The following RLN2 variants were observed in gnomAD, a reference collection of about 807,000 sequenced individuals.
RLN2 encodes the protein relaxin 2.
A neutral mutation model predicts 7.3 loss-of-function variants in RLN2; 10 were observed. The ratio of observed to expected loss-of-function variants is 1.36; its 90% CI spans 0.84 to 2.31. The LOEUF is 2.31. Among genes scored for constraint, RLN2 ranks in the 30% most tolerant of loss-of-function variants. RLN2 has a pLI of 0.00. For missense variants in RLN2, 298 were observed against 217.6 expected, an observed-to-expected ratio of 1.37 and a Z score of -2.32; for synonymous variants, 103 against 82.3, an observed-to-expected ratio of 1.25 and a Z score of -1.36.
At chr9:5,308,172 A>T (rs1411708886), upstream of RLN2, among the ~76,000 whole-genome samples, 1 of 151,984 alleles carries the variant, frequency 6.6e-6, no homozygotes, top group Non-Finnish European at 1.5e-5. Context: ...CTTTCCTTTC[A>T]GGTTATCATG....
In RLN2 at chr9:5,304,457, C is replaced by G; in HGVS notation, c.124G>C (p.Ala42Pro). The change falls in exon 1 of 2, where the codon GCG (alanine) becomes CCG (proline). Residue 42 changes from alanine (A) to proline (P), a missense_variant. Physicochemically the swap from Ala to Pro is conservative, Grantham distance 27. Transcript: ENST00000381627. Reference protein sequence around the residue: ...IKLCGRELVRAQIAICGMSTW... With the variant: ...IKLCGRELVRPQIAICGMSTW... ...CTCATGCCGCAAATGGCAATCTGCG[C>G]GCGAACTAATTCGCGGCCGCATAAT... is the stretch of plus-strand genomic sequence containing the variant. 5.6e-6 allele frequency: 9 copies of G among 1,613,322 alleles called. No individual in the cohort carries two copies. The highest frequency in any genetic ancestry group is 7.6e-6 in the Non-Finnish European group (9 of 1,179,832).
At chr9:5,307,252 T>TGATA (rs148921093), upstream of RLN2, among the ~76,000 whole-genome samples, 1,555 of 143,902 alleles carry the variant, frequency 0.011, 17 homozygotes, top group African/African-American at 0.03. Flanking sequence ...GATAGATAGA[T>TGATA]GATAGATAGA....
the RLN2 span, among the ~76,000 whole-genome samples, chr9:5,331,568 C>T: frequency 6.8e-6 from 1 of 147,296 alleles, no homozygotes; most frequent in African/African-American, 2.5e-5. Flanking sequence ...CTCACAAGAA[C>T]AGAAAACCAA....
In RLN2 at chr9:5,300,073, C is replaced by T. The variant is rs200379268; in HGVS notation, c.*25G>A. 1.6e-3 allele frequency: 2,208 copies of T among 1,371,570 alleles called. 10 individuals carry two copies. Among genetic ancestry groups the T allele is most frequent in the Non-Finnish European group, 1.9e-3 (1,907 of 983,280 alleles). 85.0% of individuals were successfully genotyped at this position (1,371,570 alleles called of 1,614,324 possible). On this transcript the variant is annotated 3_prime_UTR_variant, in exon 2 of 2. Transcript: ENST00000381627. ...ATTAAGAATATGTGTGAATATTATA[C>T]GAGATGTGCACAATTAGCTTCATCT...
In RLN2 at chr9:5,304,443, A is replaced by G. The variant is rs775348957; in HGVS notation, c.138T>C (p.Ile46=). Residue 46 remains isoleucine, a synonymous_variant, in exon 1 of 2, where the codon ATT becomes ATC. Coordinates refer to ENST00000381627, the MANE Select transcript of RLN2 (RefSeq NM_134441.3). The part of the protein sequence containing the change: ...GRELVRAQIA[I]CGMSTWSKRS... Reference sequence around the variant, plus strand: ...TTTTGCTCCAGGTGCTCATGCCGCAAATGGCAATCTGCGCGCGAACTAATT... The same window carrying G: ...TTTTGCTCCAGGTGCTCATGCCGCAGATGGCAATCTGCGCGCGAACTAATT... 2 of 1,612,792 alleles carry G rather than the reference A, an allele frequency of 1.2e-6. No homozygotes were observed. Among genetic ancestry groups the G allele is most frequent in the East Asian group, 2.2e-5 (1 of 44,786 alleles).
chr9:5,331,516 A>G, the RLN2 span, among the ~76,000 whole-genome samples: 1 of 151,972 alleles, frequency 6.6e-6, no homozygotes, highest in South Asian at 2.1e-4. Context: ...TGTCCTTTGC[A>G]GGGACATGGA....
At chr9:5,316,226 T>A in the RLN2 span, among the ~76,000 whole-genome samples, 1 of 151,994 alleles carries the variant, frequency 6.6e-6, no homozygotes, top group Non-Finnish European at 1.5e-5. Context: ...GACATATATA[T>A]GTATATATGT....
At chr9:5,334,659 A>T in the RLN2 span, among the ~76,000 whole-genome samples, 1 of 151,982 alleles carries the variant, frequency 6.6e-6, no homozygotes, top group South Asian at 2.1e-4. Flanking sequence ...TTTTATGGAC[A>T]CTAGAACTGA....
chr9:5,319,987 CTTTT>C, the RLN2 span, among the ~76,000 whole-genome samples: 2 of 144,914 alleles, frequency 1.4e-5, no homozygotes, highest in Non-Finnish European at 1.5e-5. Context: ...TAAGCTAACA[CTTTT>C]TTTTTTTTTT....
the RLN2 span, among the ~76,000 whole-genome samples, chr9:5,323,217 C>G: frequency 6.6e-6 from 1 of 151,940 alleles, no homozygotes; most frequent in African/African-American, 2.4e-5. Flanking sequence ...TCTCAGTCAT[C>G]TGGCTGCTTC....
upstream of RLN2, among the ~76,000 whole-genome samples, chr9:5,309,618 C>T (rs1345886760): frequency 6.6e-6 from 1 of 152,072 alleles, no homozygotes; most frequent in Non-Finnish European, 1.5e-5. Context: ...GCATCAACTA[C>T]ATGATGGATC....
At chr9:5,327,475 G>A in the RLN2 span, among the ~76,000 whole-genome samples, 1 of 151,972 alleles carries the variant, frequency 6.6e-6, no homozygotes, top group Non-Finnish European at 1.5e-5. Context: ...CTAGCGGCAG[G>A]GCATAGTAGA....
upstream of RLN2, among the ~76,000 whole-genome samples, chr9:5,309,194 C>T (rs1816304001): frequency 6.6e-6 from 1 of 152,052 alleles, no homozygotes; most frequent in South Asian, 2.1e-4. Flanking sequence ...CCTAGAGGGA[C>T]AGAGGAGCCA....
At chr9:5,312,143 A>T in the RLN2 span, among the ~76,000 whole-genome samples, 6 of 151,980 alleles carry the variant, frequency 3.9e-5, 1 homozygote, top group Non-Finnish European at 8.8e-5. Flanking sequence ...TAGTTTTGAG[A>T]GACTTCCTCT....
the RLN2 span, among the ~76,000 whole-genome samples, chr9:5,322,186 C>A: frequency 1.3e-5 from 2 of 151,884 alleles, no homozygotes; most frequent in South Asian, 4.2e-4. Flanking sequence ...GGGAGCTTCT[C>A]TTTGTGACTC....
At chr9:5,332,809 G>T in the RLN2 span, among the ~76,000 whole-genome samples, 6 of 151,720 alleles carry the variant, frequency 4.0e-5, no homozygotes, top group African/African-American at 1.5e-4. Flanking sequence ...TAGAAACGGG[G>T]TTTCACCATG....
chr9:5,311,691 C>T, the RLN2 span: 1 of 1,261,798 alleles, frequency 7.9e-7, no homozygotes, highest in East Asian at 2.3e-5. Flanking sequence ...GCACAGAAAG[C>T]CGAAGGTGCT....
upstream of RLN2, among the ~76,000 whole-genome samples, chr9:5,305,479 C>G (rs1334373461): frequency 1.3e-5 from 2 of 150,264 alleles, no homozygotes. Context: ...ATTTTGGTAA[C>G]AAATTACAGC....
chr9:5,319,046 A>C, the RLN2 span, among the ~76,000 whole-genome samples: 1 of 152,008 alleles, frequency 6.6e-6, no homozygotes, highest in African/African-American at 2.4e-5. Context: ...TCAGTTGGTG[A>C]ATCTCTAGAA....
Sources: allele counts gnomAD v4.1 joint callset (sites outside exome capture counted in the v4.1 genomes callset), GRCh38; gene constraint gnomAD v4.1.1; transcripts MANE v1.5; gene names NCBI Gene and HGNC (gene_info 2026-07-23, HGNC 2026-07-21).